Variants in COL4A6 observed in about 807,000 individuals in gnomAD.
COL4A6 encodes collagen alpha-6(IV) chain.
Under a neutral mutation model 126.7 loss-of-function variants are expected in COL4A6, and 59 were observed. The ratio of observed to expected loss-of-function variants is 0.47; its 90% CI spans 0.38 to 0.58. The LOEUF (loss-of-function observed/expected upper bound fraction) is 0.58, where lower values mean the gene tolerates loss of function less well. Among genes scored for constraint, COL4A6 ranks in the 20% least tolerant of loss-of-function variants. The pLI, the probability that COL4A6 is intolerant of heterozygous loss-of-function variation, is 0.00. For missense variants in COL4A6, 1,285 were observed against 1,337.3 expected, an observed-to-expected ratio of 0.96 and a Z score of 0.61; for synonymous variants, 547 against 496.6, an observed-to-expected ratio of 1.10 and a Z score of -1.35.
chrX:108,267,248 C>T (rs1643989896), intron 3 of COL4A6, among the ~76,000 whole-genome samples: 1 of 112,101 alleles, frequency 8.9e-6, no homozygotes, highest in Admixed American at 9.4e-5. Flanking sequence ...TTATAAGCAC[C>T]CTTGTGATTA....
rs201355021 is a variant in COL4A6, at chrX:108,170,647, A to G, written c.3455T>C (p.Ile1152Thr). ...LPGSSGHQGA[I>T]GPLGSPGLIG... Reference sequence around the variant, plus strand: ...TAATCCGGGGGATCCTAGAGGCCCAATTGCCCCTTGGTGACCAGAAGAACC... The same window carrying G: ...TAATCCGGGGGATCCTAGAGGCCCAGTTGCCCCTTGGTGACCAGAAGAACC... Residue 1152 changes from isoleucine to threonine, a missense_variant, in exon 35 of 45, where the codon ATT becomes ACT. By Grantham distance (89) the Ile-to-Thr change is moderately conservative. Coordinates refer to ENST00000334504, the MANE Select transcript of COL4A6 (RefSeq NM_033641.4). The G allele has an allele frequency of 2.8e-4, 340 of 1,204,100 alleles. No individual in the cohort carries two copies. The highest frequency in any genetic ancestry group is 3.6e-4 in the Non-Finnish European group (324 of 893,694).
At chrX:108,204,291 AT>A in intron 12 of COL4A6, 28 bp downstream of exon 12, 1 of 1,075,835 alleles carries the variant, frequency 9.3e-7, no homozygotes, top group Non-Finnish European at 1.2e-6. Context: ...AGTTTTATTA[AT>A]TTTTTCCTAT....
chrX:108,403,233 G>GCT (rs59212608), intron 2 of COL4A6, among the ~76,000 whole-genome samples: 1,187 of 62,273 alleles, frequency 0.019, 36 homozygotes, highest in Admixed American at 0.042. Flanking sequence ...GCAAAGATTA[G>GCT]CTCTCTCTCT....
At chrX:108,378,858 T>C (rs2040501152) in intron 2 of COL4A6, among the ~76,000 whole-genome samples, 1 of 112,950 alleles carries the variant, frequency 8.9e-6, no homozygotes, top group Non-Finnish European at 1.9e-5. Flanking sequence ...AAGTATTGTC[T>C]ATGGCTGTTT....
chrX:108,391,841 C>T (rs1187330252), intron 2 of COL4A6, among the ~76,000 whole-genome samples: 1 of 112,566 alleles, frequency 8.9e-6, no homozygotes, highest in Non-Finnish European at 1.9e-5. Context: ...GGGCTGCACC[C>T]ACTGTCCAAC....
chrX:108,302,117 T>C (rs1013434282), intron 3 of COL4A6, among the ~76,000 whole-genome samples: 1 of 111,457 alleles, frequency 9.0e-6, no homozygotes, highest in African/African-American at 3.3e-5. Flanking sequence ...TCAAAACATG[T>C]ATATTTATAC....
At chrX:108,214,659 T>C (rs1165349745) in intron 5 of COL4A6, among the ~76,000 whole-genome samples, 1 of 112,301 alleles carries the variant, frequency 8.9e-6, no homozygotes, top group African/African-American at 3.2e-5. Context: ...TATTGGAAGC[T>C]CTGCATGGGA....
intron 2 of COL4A6, among the ~76,000 whole-genome samples, chrX:108,391,618 T>A (rs2040841246): frequency 8.9e-6 from 1 of 112,206 alleles, no homozygotes; most frequent in African/African-American, 3.2e-5. Context: ...TTGGGCTCTG[T>A]GGGGTTGGGA....
At chrX:108,350,122 A>G (rs1478673580) in intron 2 of COL4A6, among the ~76,000 whole-genome samples, 1 of 111,848 alleles carries the variant, frequency 8.9e-6, no homozygotes, top group Non-Finnish European at 1.9e-5. Flanking sequence ...AATTCTGTTG[A>G]TCGGAGGGCA....
At chrX:108,232,838 C>A (rs1222698163) in intron 3 of COL4A6, among the ~76,000 whole-genome samples, 2 of 111,595 alleles carry the variant, frequency 1.8e-5, no homozygotes, top group African/African-American at 6.5e-5. Flanking sequence ...ATTCCACTGA[C>A]AAAACTTTGC....
chrX:108,340,358 G>A (rs776382132), intron 2 of COL4A6, among the ~76,000 whole-genome samples: 6 of 111,276 alleles, frequency 5.4e-5, no homozygotes, highest in Non-Finnish European at 1.1e-4. Flanking sequence ...ATGGTCACAT[G>A]TGGTTAATGG....
chrX:108,345,742 G>A (rs1053054010), intron 2 of COL4A6, among the ~76,000 whole-genome samples: 4 of 111,457 alleles, frequency 3.6e-5, no homozygotes, highest in African/African-American at 9.8e-5. Flanking sequence ...GTAGTGGCAC[G>A]CTGCCTCCTA....
At chrX:108,399,737 G>C (rs2148201182) in intron 2 of COL4A6, among the ~76,000 whole-genome samples, 1 of 111,785 alleles carries the variant, frequency 8.9e-6, no homozygotes, top group East Asian at 2.8e-4. Flanking sequence ...TTGAAAGTTT[G>C]ATAATGCAAA....
At chrX:108,321,420 A>G (rs1369457448) in intron 2 of COL4A6, among the ~76,000 whole-genome samples, 1 of 111,293 alleles carries the variant, frequency 9.0e-6, no homozygotes, top group Non-Finnish European at 1.9e-5. Flanking sequence ...TGAAACTTAA[A>G]AAGTCAGGAA....
chrX:108,211,551 G>T, intron 7 of COL4A6, 121 bp downstream of exon 7: 2 of 589,826 alleles, frequency 3.4e-6, no homozygotes, highest in Non-Finnish European at 5.6e-6. Flanking sequence ...AATCCAGCTT[G>T]GTCTGCTCCT....
At chrX:108,371,574 T>TAAAA (rs35855359) in intron 2 of COL4A6, among the ~76,000 whole-genome samples, 1 of 51,704 alleles carries the variant, frequency 1.9e-5, no homozygotes, top group African/African-American at 6.3e-5. Flanking sequence ...TCTGTCTCTA[T>TAAAA]AAAAAAAAAA....
intron 2 of COL4A6, among the ~76,000 whole-genome samples, chrX:108,409,262 T>C (rs1411303785): frequency 8.9e-6 from 1 of 111,968 alleles, no homozygotes; most frequent in African/African-American, 3.2e-5. Flanking sequence ...TGTGAGGAGA[T>C]GAATCTAGCA....
In COL4A6 at chrX:108,188,610, T is replaced by A; in HGVS notation, c.1494A>T (p.Pro498=). The A allele has an allele frequency of 8.3e-7, 1 of 1,197,610 alleles. No homozygotes were observed. The highest frequency in any genetic ancestry group is 1.1e-6 in the Non-Finnish European group (1 of 888,365). Residue 498 remains proline (P), a synonymous_variant, in exon 21 of 45, where the codon CCA becomes CCT. Coordinates refer to ENST00000334504, the MANE Select transcript of COL4A6 (RefSeq NM_033641.4). ...GGCCTATGAGACCCCATGGACCAGGTGGGCCTGGTTCCCCGGGTGGTCCAG... is the reference window on the plus strand; with the variant it reads ...GGCCTATGAGACCCCATGGACCAGGAGGGCCTGGTTCCCCGGGTGGTCCAG... ...PNTGPPGEPG[P]PGPWGLIGLP... is the part of the protein sequence containing the mutation.
At position 108,374,196 on chromosome X, in the gene COL4A6, G is replaced by A. The variant is rs1330930737; in HGVS notation, c.64-63368C>T. Among the ~76,000 whole-genome samples, 5 of 112,265 alleles carry A rather than the reference G, an allele frequency of 4.5e-5. No individual in the cohort carries two copies. In the East Asian group the frequency reaches 1.4e-3, roughly 32 times the overall value. ...GTATGCTAACGTGAAAACTGAGCAT[G>A]GCATATTTACAACATTTTTGCCGTA... On this transcript the variant is annotated intron_variant, in intron 2 of 44. Transcript: ENST00000334504.
Sources: allele counts gnomAD v4.1 joint callset (sites outside exome capture counted in the v4.1 genomes callset), GRCh38; gene constraint gnomAD v4.1.1; transcripts MANE v1.5; gene names NCBI Gene and HGNC (gene_info 2026-07-23, HGNC 2026-07-21).